The following RANBP2 variants were observed in gnomAD, a reference collection of about 807,000 sequenced individuals.
RANBP2 encodes E3 SUMO-protein ligase RanBP2.
In RANBP2, 57 loss-of-function variants were observed where a neutral mutation model predicts 303.6. The ratio of observed to expected loss-of-function variants is 0.19; its 90% CI spans 0.15 to 0.23. The LOEUF is 0.23. RANBP2 is among the 10% of genes least tolerant of loss of function. The probability of loss-of-function intolerance (pLI) is 1.00; values close to 1 mark genes in which losing one functional copy is unlikely to be tolerated. For missense variants in RANBP2, 3,138 were observed against 3,780.8 expected (o/e 0.83, Z 4.46); for synonymous variants, 1,167 against 1,301.5 (o/e 0.90, Z 2.23).
chr2:109,049,612 T>C, the RANBP2 span, among the ~76,000 whole-genome samples: 1 of 152,220 alleles, frequency 6.6e-6, no homozygotes, highest in Non-Finnish European at 1.5e-5. Flanking sequence ...GAGGCCCTCT[T>C]TCTTCTGATT....
chr2:109,642,299 A>G, the RANBP2 span, among the ~76,000 whole-genome samples: 1 of 152,232 alleles, frequency 6.6e-6, no homozygotes, highest in South Asian at 2.1e-4. Flanking sequence ...AATTTCTACC[A>G]CTAGCATTTA....
At chr2:109,383,847 C>T in the RANBP2 span, among the ~76,000 whole-genome samples, 2 of 152,142 alleles carry the variant, frequency 1.3e-5, no homozygotes, top group African/African-American at 2.4e-5. Context: ...GTGATCAGTC[C>T]GTCCTTATAC....
the RANBP2 span, among the ~76,000 whole-genome samples, chr2:109,120,387 T>C: frequency 1.3e-5 from 2 of 152,128 alleles, no homozygotes; most frequent in Non-Finnish European, 2.9e-5. Context: ...CACAGGTGAA[T>C]ATGCCACATT....
At chr2:108,985,450 G>C in the RANBP2 span, among the ~76,000 whole-genome samples, 2 of 152,256 alleles carry the variant, frequency 1.3e-5, no homozygotes, top group African/African-American at 4.8e-5. Context: ...CGCCACAGGT[G>C]CATCTTCCTC....
chr2:108,753,512 G>C lies in RANBP2; in HGVS notation c.2004G>C (p.Val668=). ...DAVNGNIEDA[V]TAFESIKSVV... The stretch of plus-strand genomic sequence containing the variant: ...TAAATGGAAATATAGAAGATGCTGT[G>C]ACTGCTTTTGAATCTATAAAAAGTG... The change falls in exon 14 of 29, where the codon GTG becomes GTC. Residue 668 remains valine (V), a synonymous_variant. Transcript: ENST00000283195. 6.2e-7 allele frequency: 1 copy of C among 1,611,890 alleles called. No individual in the cohort carries two copies. The highest frequency in any genetic ancestry group is 8.5e-7 in the Non-Finnish European group (1 of 1,179,822).
chr2:109,676,365 AT>A, the RANBP2 span, among the ~76,000 whole-genome samples: 3 of 152,218 alleles, frequency 2.0e-5, no homozygotes, highest in Non-Finnish European at 4.4e-5. Context: ...TCAGTAAGTA[AT>A]TTTGCAGAGT....
the RANBP2 span, among the ~76,000 whole-genome samples, chr2:109,445,523 G>C: frequency 1.3e-5 from 2 of 152,186 alleles, no homozygotes; most frequent in Non-Finnish European, 2.9e-5. Flanking sequence ...TAAGTGTAAA[G>C]AAAAATGGGA....
chr2:109,615,675 G>T, the RANBP2 span: 3 of 1,614,068 alleles, frequency 1.9e-6, no homozygotes, highest in African/African-American at 1.3e-5. Context: ...CCTGGTGGGA[G>T]CCCTGGACGA....
At chr2:109,312,613 G>A in the RANBP2 span, among the ~76,000 whole-genome samples, 47,436 of 152,042 alleles carry the variant, frequency 0.31, 9,180 homozygotes, top group African/African-American at 0.55. Flanking sequence ...TTTGATATAA[G>A]TGGAATCATC....
chr2:109,344,878 G>A, the RANBP2 span, among the ~76,000 whole-genome samples: 1 of 152,174 alleles, frequency 6.6e-6, no homozygotes, highest in Non-Finnish European at 1.5e-5. Context: ...CGTCAAGCAG[G>A]CATCTGGGTT....
At chr2:109,529,535 T>C in the RANBP2 span, among the ~76,000 whole-genome samples, 1 of 152,152 alleles carries the variant, frequency 6.6e-6, no homozygotes, top group Non-Finnish European at 1.5e-5. Flanking sequence ...AATAGGGTGC[T>C]GAGGAGGTCC....
At chr2:108,753,250 C>G (rs1263754038) in intron 13 of RANBP2, 91 bp downstream of exon 13, 27 of 1,606,190 alleles carry the variant, frequency 1.7e-5, no homozygotes, top group Non-Finnish European at 2.3e-5. Context: ...AATTAATTGC[C>G]TTGTTATTTA....
At chr2:109,468,726 C>A in the RANBP2 span, among the ~76,000 whole-genome samples, 2 of 151,596 alleles carry the variant, frequency 1.3e-5, no homozygotes, top group Non-Finnish European at 2.9e-5. Context: ...TGGTGGCGGG[C>A]ACCTGTAATC....
chr2:109,585,193 T>C, the RANBP2 span: 5 of 1,612,232 alleles, frequency 3.1e-6, no homozygotes, highest in Admixed American at 3.3e-5. Context: ...AATTGAACAT[T>C]ACTTTCCTGG....
chr2:109,535,465 T>C, the RANBP2 span, among the ~76,000 whole-genome samples: 1 of 152,096 alleles, frequency 6.6e-6, no homozygotes, highest in East Asian at 1.9e-4. Context: ...TAGCTTGGTG[T>C]CCTGTGACTG....
the RANBP2 span, among the ~76,000 whole-genome samples, chr2:109,085,720 C>T: frequency 6.6e-6 from 1 of 151,928 alleles, no homozygotes; most frequent in African/African-American, 2.4e-5. Context: ...CCTGCCTCAG[C>T]CTCCCAAGTA....
the RANBP2 span, among the ~76,000 whole-genome samples, chr2:109,091,589 T>C: frequency 7.9e-5 from 12 of 152,298 alleles, no homozygotes; most frequent in South Asian, 6.2e-4. Context: ...GGTGAACCCA[T>C]TGGGCAGTTA....
At chr2:108,754,326 CAACTT>C (rs1266350722) in intron 15 of RANBP2, among the ~76,000 whole-genome samples, 3 of 151,480 alleles carry the variant, frequency 2.0e-5, no homozygotes, top group Non-Finnish European at 2.9e-5. Flanking sequence ...TTGTTGCTGA[CAACTT>C]AAGAGCATTT....
chr2:109,703,533 G>A, the RANBP2 span, among the ~76,000 whole-genome samples: 228 of 152,302 alleles, frequency 1.5e-3, no homozygotes, highest in Non-Finnish European at 2.9e-3. Flanking sequence ...GGTTCAAGCA[G>A]TTCTCCTGCC....
Sources: allele counts gnomAD v4.1 joint callset (sites outside exome capture counted in the v4.1 genomes callset), GRCh38; gene constraint gnomAD v4.1.1; transcripts MANE v1.5; gene names NCBI Gene and HGNC (gene_info 2026-07-23, HGNC 2026-07-21).